GRIK2: variants seen among roughly 807,000 people sequenced by gnomAD.
GRIK2 encodes the protein glutamate receptor ionotropic, kainate 2.
Under a neutral mutation model 100.3 loss-of-function variants are expected in GRIK2, and 32 were observed. The observed-to-expected ratio is 0.32, with a 90% CI of 0.24 to 0.43. The LOEUF (loss-of-function observed/expected upper bound fraction) is 0.43. Among genes scored for constraint, GRIK2 ranks in the 20% least tolerant of loss-of-function variants. GRIK2 has a pLI of 1.00. For synonymous variants in GRIK2, 417 were observed against 389.4 expected (o/e 1.07, Z -0.83); for missense variants, 843 against 1,114.9 (o/e 0.76, Z 3.47).
intron 4 of GRIK2, among the ~76,000 whole-genome samples, chr6:101,655,893 C>T (rs189734691): frequency 1.4e-4 from 21 of 152,230 alleles, no homozygotes; most frequent in Non-Finnish European, 2.8e-4. Context: ...TATGCATCAG[C>T]TTATTGTTTG....
chr6:101,411,766 T>C (rs1775893688), intron 2 of GRIK2, among the ~76,000 whole-genome samples: 1 of 152,040 alleles, frequency 6.6e-6, no homozygotes, highest in Admixed American at 6.6e-5. Flanking sequence ...GCTTATTCTT[T>C]AAAACCTAAT....
intron 8 of GRIK2, among the ~76,000 whole-genome samples, chr6:101,801,172 C>T (rs1030291956): frequency 2.6e-5 from 4 of 151,844 alleles, no homozygotes; most frequent in Non-Finnish European, 5.9e-5. Flanking sequence ...CTCTCTCTAC[C>T]CCAGATTTGT....
chr6:101,781,910 C>T (rs1779120800), intron 7 of GRIK2, among the ~76,000 whole-genome samples: 1 of 151,966 alleles, frequency 6.6e-6, no homozygotes, highest in South Asian at 2.1e-4. Flanking sequence ...ATCAAAGTGC[C>T]AGTATGGGTT....
At chr6:101,681,656 C>T (rs1771266213) in intron 5 of GRIK2, among the ~76,000 whole-genome samples, 1 of 151,802 alleles carries the variant, frequency 6.6e-6, no homozygotes, top group African/African-American at 2.4e-5. Context: ...GATCTTATTC[C>T]TTCTATTTTT....
At chr6:101,858,640 T>C (rs942419125) in intron 10 of GRIK2, among the ~76,000 whole-genome samples, 2 of 151,926 alleles carry the variant, frequency 1.3e-5, no homozygotes, top group South Asian at 2.1e-4. Flanking sequence ...CTGCCCGCCT[T>C]GGCCTCCCAA....
chr6:101,858,661 T>A (rs1784574648), intron 10 of GRIK2, among the ~76,000 whole-genome samples: 1 of 152,064 alleles, frequency 6.6e-6, no homozygotes, highest in Non-Finnish European at 1.5e-5. Flanking sequence ...AGTGCTGGGA[T>A]TACAGGTGCA....
intron 14 of GRIK2, among the ~76,000 whole-genome samples, chr6:101,990,200 C>T (rs975936382): frequency 2.6e-5 from 4 of 151,716 alleles, no homozygotes; most frequent in African/African-American, 7.2e-5. Flanking sequence ...GTTCACTGTA[C>T]ACCAGGCACT....
intron 7 of GRIK2, among the ~76,000 whole-genome samples, chr6:101,749,339 C>T (rs1199867890): frequency 6.6e-6 from 1 of 152,026 alleles, no homozygotes; most frequent in Non-Finnish European, 1.5e-5. Flanking sequence ...GAACTCCTGA[C>T]CTTGAGTGAT....
intron 7 of GRIK2, among the ~76,000 whole-genome samples, chr6:101,750,995 C>A (rs1776752008): frequency 6.6e-6 from 1 of 152,192 alleles, no homozygotes; most frequent in South Asian, 2.1e-4. Flanking sequence ...GAAAAAAGTA[C>A]TATATTTTGA....
At chr6:101,970,214 T>G (rs1792956594) in intron 14 of GRIK2, among the ~76,000 whole-genome samples, 1 of 151,728 alleles carries the variant, frequency 6.6e-6, no homozygotes, top group African/African-American at 2.4e-5. Context: ...ATGATTTTTT[T>G]TTTTCTCTAG....
At chr6:101,444,724 G>A (rs1770268065) in intron 2 of GRIK2, among the ~76,000 whole-genome samples, 1 of 151,982 alleles carries the variant, frequency 6.6e-6, no homozygotes, top group Non-Finnish European at 1.5e-5. Flanking sequence ...CATGGTTGAT[G>A]GTACTAAATG....
At chr6:101,706,748 G>A (rs1773325967) in intron 7 of GRIK2, among the ~76,000 whole-genome samples, 1 of 151,864 alleles carries the variant, frequency 6.6e-6, no homozygotes, top group African/African-American at 2.4e-5. Context: ...TTTCATTAGA[G>A]GAATTTTGTA....
intron 4 of GRIK2, among the ~76,000 whole-genome samples, chr6:101,640,310 A>G (rs182960595): frequency 2.0e-5 from 3 of 152,258 alleles, no homozygotes; most frequent in African/African-American, 7.2e-5. Flanking sequence ...TCTAAACCTC[A>G]AAAAGTTGCA....
At chr6:101,411,537 C>T (rs1482134794) in intron 2 of GRIK2, among the ~76,000 whole-genome samples, 1 of 152,074 alleles carries the variant, frequency 6.6e-6, no homozygotes, top group Non-Finnish European at 1.5e-5. Context: ...AAAGATCTCA[C>T]ACACTGTGCT....
intron 10 of GRIK2, among the ~76,000 whole-genome samples, chr6:101,851,888 T>C (rs1035425826): frequency 6.7e-6 from 1 of 149,226 alleles, no homozygotes; most frequent in Admixed American, 6.8e-5. Flanking sequence ...ATCAAGGAAG[T>C]ATGGGAGGGA....
intron 2 of GRIK2, among the ~76,000 whole-genome samples, chr6:101,505,776 GAA>G (rs35632931): frequency 6.2e-5 from 7 of 113,314 alleles, no homozygotes; most frequent in East Asian, 2.3e-4. Flanking sequence ...GAAGAAATTA[GAA>G]AAAAAAAAAA....
At chr6:101,510,179 A>G (rs576722243) in intron 2 of GRIK2, among the ~76,000 whole-genome samples, 1 of 152,270 alleles carries the variant, frequency 6.6e-6, no homozygotes, top group South Asian at 2.1e-4. Context: ...TTTTGGTTCT[A>G]TTGGGCAAAC....
At chr6:101,517,596 G>A (rs1159897144) in intron 2 of GRIK2, among the ~76,000 whole-genome samples, 2 of 151,958 alleles carry the variant, frequency 1.3e-5, no homozygotes, top group Non-Finnish European at 2.9e-5. Flanking sequence ...TTGCACAAAA[G>A]GTCCCCAACT....
intron 2 of GRIK2, among the ~76,000 whole-genome samples, chr6:101,402,953 C>A (rs935520691): frequency 6.6e-6 from 1 of 152,194 alleles, no homozygotes; most frequent in Non-Finnish European, 1.5e-5. Context: ...TGAACTGCGG[C>A]GGCGGAGGTA....
Sources: gnomAD v4.1 joint callset for allele counts (sites outside exome capture counted in the v4.1 genomes callset) on GRCh38, gnomAD v4.1.1 for gene constraint, MANE v1.5 for transcripts, NCBI Gene and HGNC (gene_info 2026-07-23, HGNC 2026-07-21) for gene names.